The following JAZF1 variants were observed in gnomAD, a reference collection of about 807,000 sequenced individuals.
JAZF1 encodes JAZF zinc finger 1.
Under a neutral mutation model 26.4 loss-of-function variants are expected in JAZF1, and 8 were observed. That is an observed-to-expected ratio of 0.30 (90% CI 0.18 to 0.55). JAZF1 has a LOEUF of 0.55. JAZF1 is among the 20% of genes least tolerant of loss of function. The pLI, the probability that JAZF1 is intolerant of heterozygous loss-of-function variation, is 0.94. For missense variants in JAZF1, 199 were observed against 322.0 expected, an observed-to-expected ratio of 0.62 and a Z score of 2.92; for synonymous variants, 126 against 122.3, an observed-to-expected ratio of 1.03 and a Z score of -0.20.
At chr7:28,121,919 TCTCTCCCAAG>T (rs1782610735) in intron 1 of JAZF1, among the ~76,000 whole-genome samples, 1 of 152,156 alleles carries the variant, frequency 6.6e-6, no homozygotes, top group South Asian at 2.1e-4. Flanking sequence ...TGACAAAAGT[TCTCTCCCAAG>T]CTGCCATCAC....
Position 27,889,261 on chromosome 7 carries a change from C to T in JAZF1, c.385+5959G>A, listed in dbSNP as rs890167293. ...AGGTGATTTCAACGTTCATCCTGATCGAAAATCACTGTTTTCAGAGGTTCA... is the reference window on the plus strand; with the variant it reads ...AGGTGATTTCAACGTTCATCCTGATTGAAAATCACTGTTTTCAGAGGTTCA... On this transcript the variant is annotated intron_variant, in intron 3 of 4. Transcript: ENST00000283928. Among the ~76,000 whole-genome samples the T allele has an allele frequency of 4.6e-5, 7 of 151,022 alleles. 1 individual carries two copies. Among genetic ancestry groups the T allele is most frequent in the African/African-American group, 1.7e-4 (7 of 41,024 alleles).
chr7:28,180,430 C>G, intron 1 of JAZF1, 33 bp downstream of exon 1: 2 of 1,566,150 alleles, frequency 1.3e-6, no homozygotes, highest in Non-Finnish European at 1.8e-6. Context: ...TTTCCGCGCG[C>G]CTGGCACCCC....
intron 1 of JAZF1, among the ~76,000 whole-genome samples, chr7:28,092,885 G>C (rs1784325731): frequency 6.6e-6 from 1 of 150,962 alleles, no homozygotes; most frequent in South Asian, 2.1e-4. Flanking sequence ...AGAAAGAAAA[G>C]AAAAAAAGGA....
At chr7:27,891,743 C>CA (rs879746409) in intron 3 of JAZF1, among the ~76,000 whole-genome samples, 14 of 152,094 alleles carry the variant, frequency 9.2e-5, no homozygotes, top group Non-Finnish European at 2.1e-4. Flanking sequence ...GTGAGCTACA[C>CA]AGGAGGCTGA....
chr7:27,874,394 C>T lies in JAZF1; in HGVS notation c.385+20826G>A, dbSNP rs548469251. Among the ~76,000 whole-genome samples the T allele has an allele frequency of 9.2e-5, 14 of 152,232 alleles. No homozygotes were observed. The South Asian group carries it at 2.9e-3, about 32-fold the overall frequency. On this transcript the variant is annotated intron_variant, in intron 3 of 4. Coordinates refer to ENST00000283928, the MANE Select transcript of JAZF1 (RefSeq NM_175061.4). ...CACACCTCTGCCCTCCTTTGCCACC[C>T]CCTCAGGAACAAAAACCAGAAGTGC...
chr7:27,836,525 G>A (rs188628505), intron 4 of JAZF1, among the ~76,000 whole-genome samples: 5 of 152,174 alleles, frequency 3.3e-5, no homozygotes, highest in Middle Eastern at 3.2e-3. Context: ...AACATGTGAC[G>A]CTTGCCCTAG....
At chr7:27,924,418 C>T (rs912115957) in intron 2 of JAZF1, among the ~76,000 whole-genome samples, 3 of 152,192 alleles carry the variant, frequency 2.0e-5, no homozygotes, top group Non-Finnish European at 4.4e-5. Flanking sequence ...GACCATTTGT[C>T]TGCAGCCAAA....
chr7:28,122,439 T>C (rs1782619882), intron 1 of JAZF1, among the ~76,000 whole-genome samples: 2 of 152,198 alleles, frequency 1.3e-5, no homozygotes. Flanking sequence ...TAACAGTAAC[T>C]GCTGACCCAG....
intron 1 of JAZF1, among the ~76,000 whole-genome samples, chr7:28,070,029 TGTAAAAC>T (rs1296947999): frequency 1.3e-5 from 2 of 152,166 alleles, no homozygotes; most frequent in Non-Finnish European, 2.9e-5. Context: ...CACTGCACTT[TGTAAAAC>T]GTCTTCAGAT....
chr7:28,149,100 G>C (rs967478175), intron 1 of JAZF1, among the ~76,000 whole-genome samples: 2 of 152,080 alleles, frequency 1.3e-5, no homozygotes, highest in Non-Finnish European at 2.9e-5. Flanking sequence ...ATCATTTTTG[G>C]TGAAGGAATC....
intron 1 of JAZF1, among the ~76,000 whole-genome samples, chr7:28,113,297 A>C (rs553544940): frequency 6.6e-6 from 1 of 152,156 alleles, no homozygotes; most frequent in Non-Finnish European, 1.5e-5. Context: ...GTGAATCCTC[A>C]TGGGACTAAC....
chr7:28,004,347 T>C (rs975248992), intron 1 of JAZF1, among the ~76,000 whole-genome samples: 32 of 151,770 alleles, frequency 2.1e-4, no homozygotes, highest in African/African-American at 7.7e-4. Flanking sequence ...AACAAGAGCC[T>C]AGAGGGCCAA....
At chr7:27,869,260 GC>G (rs1783537911) in intron 3 of JAZF1, among the ~76,000 whole-genome samples, 1 of 150,706 alleles carries the variant, frequency 6.6e-6, no homozygotes, top group Admixed American at 6.6e-5. Context: ...CAAACAAGCG[GC>G]AACAGAAATA....
intron 2 of JAZF1, among the ~76,000 whole-genome samples, chr7:27,902,000 G>C (rs1488111061): frequency 6.6e-6 from 1 of 152,154 alleles, no homozygotes; most frequent in African/African-American, 2.4e-5. Flanking sequence ...CTGCAATTTT[G>C]AGATCTCCAA....
At chr7:27,996,630 T>C (rs2128366551) in intron 1 of JAZF1, among the ~76,000 whole-genome samples, 1 of 152,330 alleles carries the variant, frequency 6.6e-6, no homozygotes, top group East Asian at 1.9e-4. Flanking sequence ...TTGTAGACTT[T>C]GTTCAGCACA....
intron 3 of JAZF1, among the ~76,000 whole-genome samples, chr7:27,874,241 G>A (rs979472154): frequency 5.3e-5 from 8 of 152,248 alleles, no homozygotes; most frequent in Non-Finnish European, 8.8e-5. Context: ...GTGGCTGAAG[G>A]AGCTGAGGCT....
At position 27,832,160 on chromosome 7, in the gene JAZF1, T is replaced by A. The variant is rs981884225; in HGVS notation, c.*640A>T. On this transcript the variant is annotated 3_prime_UTR_variant, in exon 5 of 5. Coordinates refer to ENST00000283928, the MANE Select transcript of JAZF1 (RefSeq NM_175061.4). Reference sequence around the variant, plus strand: ...ATGACTAGTAAGTCAGATGGCAAGATTTTCAGCTTTTTAAAGGGCAAAAGG... The same window carrying A: ...ATGACTAGTAAGTCAGATGGCAAGAATTTCAGCTTTTTAAAGGGCAAAAGG... 4 of 212,472 alleles carry A rather than the reference T, an allele frequency of 1.9e-5. No homozygotes were observed. Among genetic ancestry groups the A allele is most frequent in the Non-Finnish European group, 3.8e-5 (4 of 104,808 alleles). 13.2% of individuals were successfully genotyped at this position (212,472 alleles called of 1,614,324 possible).
chr7:28,075,563 T>A (rs554271865), intron 1 of JAZF1, among the ~76,000 whole-genome samples: 1 of 152,358 alleles, frequency 6.6e-6, no homozygotes, highest in South Asian at 2.1e-4. Flanking sequence ...AAATGTATAT[T>A]GTAATTGGTT....
intron 3 of JAZF1, among the ~76,000 whole-genome samples, chr7:27,850,362 C>T (rs1783121196): frequency 6.6e-6 from 1 of 152,160 alleles, no homozygotes; most frequent in Non-Finnish European, 1.5e-5. Flanking sequence ...GGCCTTAGCT[C>T]ATTACTGGAA....
Sources: allele counts gnomAD v4.1 joint callset (sites outside exome capture counted in the v4.1 genomes callset), GRCh38; gene constraint gnomAD v4.1.1; transcripts MANE v1.5; gene names NCBI Gene and HGNC (gene_info 2026-07-23, HGNC 2026-07-21).